The following RNF217 variants were observed in gnomAD, a reference collection of about 807,000 sequenced individuals.
The protein encoded by RNF217 is ring finger protein 217.
Under a neutral mutation model 57.8 loss-of-function variants are expected in RNF217, and 31 were observed. The observed-to-expected ratio is 0.54, with a 90% CI of 0.40 to 0.72. RNF217 has a LOEUF of 0.72. RNF217 is among the 30% of genes least tolerant of loss of function. The pLI is 0.00. For synonymous variants in RNF217, 313 were observed against 294.0 expected, an observed-to-expected ratio of 1.06 and a Z score of -0.66; for missense variants, 696 against 708.3, an observed-to-expected ratio of 0.98 and a Z score of 0.20.
At chr6:125,034,042 G>GT (rs1432574369) in intron 1 of RNF217, among the ~76,000 whole-genome samples, 1 of 151,768 alleles carries the variant, frequency 6.6e-6, no homozygotes. Flanking sequence ...TGATGGGGTT[G>GT]TTTGTTTTTT....
intron 3 of RNF217, among the ~76,000 whole-genome samples, chr6:125,069,366 A>T (rs1013586517): frequency 6.6e-6 from 1 of 152,138 alleles, no homozygotes; most frequent in Non-Finnish European, 1.5e-5. Flanking sequence ...TTACCTCTAA[A>T]TAGTAGTCTT....
At chr6:125,064,324 G>A (rs9385362) in intron 3 of RNF217, among the ~76,000 whole-genome samples, 60,473 of 151,988 alleles carry the variant, frequency 0.4, 12,604 homozygotes, top group Middle Eastern at 0.48. Flanking sequence ...GGTATGCCAA[G>A]CTCTAGACCT....
At chr6:125,010,912 A>T in intron 1 of RNF217, among the ~76,000 whole-genome samples, 1 of 152,160 alleles carries the variant, frequency 6.6e-6, no homozygotes. Context: ...TTAAATACTC[A>T]AAATTTCAGT....
chr6:124,983,268 CT>C, intron 1 of RNF217: 1 of 676,142 alleles, frequency 1.5e-6, no homozygotes, highest in African/African-American at 1.9e-5. Context: ...TTTTAAAAGG[CT>C]TTTGTGTCTT....
chr6:124,962,676 C>T lies in RNF217; in HGVS notation c.132C>T (p.Arg44=), dbSNP rs1159437705. Residue 44 remains arginine, a synonymous_variant, in exon 1 of 6, where the codon CGC becomes CGT. Coordinates refer to ENST00000521654, the MANE Select transcript of RNF217 (RefSeq NM_001286398.3). The surrounding 1 kb of genome is among the most constrained non-coding windows in gnomAD (Gnocchi z 4.6). ...ACAGCGCCCGGGCGCCCCCGCTGCG[C>T]GCCGCCTCCGCGGAGCCGAGCGGCG... The part of the protein sequence containing the change: ...QGDSARAPPL[R]AASAEPSGGG... The T allele has an allele frequency of 7.4e-7, 1 of 1,343,680 alleles. No individual in the cohort carries two copies. Among genetic ancestry groups the T allele is most frequent in the Non-Finnish European group, 9.4e-7 (1 of 1,059,094 alleles). 83.2% of individuals were successfully genotyped at this position (1,343,680 alleles called of 1,614,324 possible).
intron 3 of RNF217, among the ~76,000 whole-genome samples, chr6:125,064,080 T>C (rs1201234712): frequency 6.6e-6 from 1 of 152,210 alleles, no homozygotes; most frequent in East Asian, 1.9e-4. Flanking sequence ...GAAGTATTAA[T>C]GTTGCATCTT....
At chr6:125,019,800 C>G (rs1388746876) in intron 1 of RNF217, among the ~76,000 whole-genome samples, 2 of 150,056 alleles carry the variant, frequency 1.3e-5, no homozygotes, top group African/African-American at 4.9e-5. Flanking sequence ...TCCATGTTGC[C>G]TGCTCTCTTG....
chr6:125,013,953 T>A (rs1785512973), intron 1 of RNF217, among the ~76,000 whole-genome samples: 1 of 152,198 alleles, frequency 6.6e-6, no homozygotes, highest in African/African-American at 2.4e-5. Context: ...GCTGACTACA[T>A]GTGCAAGTTA....
intron 1 of RNF217, among the ~76,000 whole-genome samples, chr6:124,982,031 A>G (rs1412268355): frequency 6.8e-6 from 1 of 147,280 alleles, no homozygotes; most frequent in Non-Finnish European, 1.5e-5. Context: ...TGTCTCAAAA[A>G]AAAAAAAAAA....
intron 3 of RNF217, among the ~76,000 whole-genome samples, chr6:125,063,145 G>A (rs981409551): frequency 2.0e-5 from 3 of 152,126 alleles, no homozygotes; most frequent in African/African-American, 7.2e-5. Context: ...TTTGTTCAAT[G>A]TCATGCAAAA....
chr6:125,017,578 T>G (rs937324672), intron 1 of RNF217, among the ~76,000 whole-genome samples: 5 of 152,252 alleles, frequency 3.3e-5, no homozygotes, highest in African/African-American at 4.8e-5. Context: ...AATCTTATTA[T>G]GAGAAGTGTT....
chr6:125,029,174 GA>G (rs1164858077), intron 1 of RNF217, among the ~76,000 whole-genome samples: 1 of 152,098 alleles, frequency 6.6e-6, no homozygotes, highest in Non-Finnish European at 1.5e-5. Flanking sequence ...TTTCAGCATG[GA>G]AGTCTTTTTT....
rs1320980932 is a variant in RNF217 at position 125,044,252 on chromosome 6, C to T, written c.883-959C>T. 4.6e-5 allele frequency among the ~76,000 whole-genome samples: 7 copies of T among 151,904 alleles called. No homozygotes were observed. The East Asian group carries it at 9.7e-4, about 21-fold the overall frequency. ...TGTTTGTCATTTGGAGTTTTTAGTG[C>T]CTCCCTGTACTACATTAGGATGGAC... On this transcript the variant is annotated intron_variant, in intron 1 of 5. Transcript: ENST00000521654.
intron 3 of RNF217, 28 bp from the exon 4 acceptor site, chr6:125,076,629 C>T (rs761937997): frequency 1.3e-6 from 2 of 1,540,284 alleles, no homozygotes; most frequent in East Asian, 2.2e-5. Context: ...TAACTCTTTC[C>T]TTCTCCTTCC....
chr6:125,001,679 T>A (rs1784992016), intron 1 of RNF217, among the ~76,000 whole-genome samples: 1 of 152,234 alleles, frequency 6.6e-6, no homozygotes, highest in Non-Finnish European at 1.5e-5. Flanking sequence ...TCCCTTTAAG[T>A]TTGCAATTTT....
In RNF217 at chr6:125,033,692, TC is replaced by T. The variant is rs1228351819; in HGVS notation, c.883-11517del. ...GTCTTTATAGCAGCATGATTTATAG[TC>T]CTTTGGGTATATACCCAGTAATGGG... On this transcript the variant is annotated intron_variant, in intron 1 of 5. Transcript: ENST00000521654. 5.8e-4 allele frequency among the ~76,000 whole-genome samples: 88 copies of T among 152,170 alleles called. 2 individuals carry two copies. The East Asian group carries it at 0.014, about 25-fold the overall frequency.
Position 124,962,658 on chromosome 6 carries a change from C to G in RNF217, c.114C>G (p.Ala38=). 1.5e-6 allele frequency: 2 copies of G among 1,334,166 alleles called. No homozygotes were observed. Among genetic ancestry groups the G allele is most frequent in the Non-Finnish European group, 1.9e-6 (2 of 1,053,612 alleles). The allele number at this position is 1,334,166 out of a possible 1,614,324, so 82.6% of individuals were successfully genotyped here. ...PEPPRPQGDS[A]RAPPLRAASA... is the part of the protein sequence containing the mutation. The stretch of plus-strand genomic sequence containing the variant: ...CCCCGAGGCCTCAGGGGGACAGCGC[C>G]CGGGCGCCCCCGCTGCGCGCCGCCT... The change falls in exon 1 of 6, where the codon GCC becomes GCG. Residue 38 remains alanine, a synonymous_variant. Coordinates refer to ENST00000521654, the MANE Select transcript of RNF217 (RefSeq NM_001286398.3). This position sits in a 1 kb window ranked among gnomAD's most constrained non-coding sequence, Gnocchi z 4.6.
At chr6:125,079,428 A>C (rs1163475622) in intron 4 of RNF217, among the ~76,000 whole-genome samples, 3 of 151,506 alleles carry the variant, frequency 2.0e-5, no homozygotes, top group African/African-American at 7.3e-5. Flanking sequence ...TCCAAAAATG[A>C]ATACTCAATT....
chr6:125,030,480 G>A (rs1419923617), intron 1 of RNF217, among the ~76,000 whole-genome samples: 1 of 152,192 alleles, frequency 6.6e-6, no homozygotes, highest in Non-Finnish European at 1.5e-5. Context: ...TGGGAATACA[G>A]GTATTGGGTA....
Sources: gnomAD v4.1 joint callset for allele counts (sites outside exome capture counted in the v4.1 genomes callset) on GRCh38, gnomAD v4.1.1 for gene constraint, Gnocchi (gnomAD v3.1) non-coding constraint, MANE v1.5 for transcripts, NCBI Gene and HGNC (gene_info 2026-07-23, HGNC 2026-07-21) for gene names.